The following SYNPR variants were observed in gnomAD, a reference collection of about 807,000 sequenced individuals.
SYNPR encodes synaptoporin.
A neutral mutation model predicts 32.9 loss-of-function variants in SYNPR; 23 were observed. The observed-to-expected ratio is 0.70, with a 90% CI of 0.50 to 0.99. SYNPR has a LOEUF of 0.99. SYNPR is among the 50% of genes least tolerant of loss of function. The pLI, the probability that SYNPR is intolerant of heterozygous loss-of-function variation, is 0.00. For missense variants in SYNPR, 318 were observed against 349.3 expected (o/e 0.91, Z 0.71); for synonymous variants, 146 against 135.9 (o/e 1.07, Z -0.52).
chr3:63,410,791 G>T (rs1318406854), intron 2 of SYNPR, among the ~76,000 whole-genome samples: 1 of 152,102 alleles, frequency 6.6e-6, no homozygotes, highest in Non-Finnish European at 1.5e-5. Flanking sequence ...GCTTACACTG[G>T]TATCTACTTA....
chr3:63,387,386 A>G (rs2088064721), intron 2 of SYNPR, among the ~76,000 whole-genome samples: 1 of 152,214 alleles, frequency 6.6e-6, no homozygotes, highest in African/African-American at 2.4e-5. Context: ...CTTAACCTTT[A>G]GAATTTTCCA....
At chr3:63,218,650 G>A in the SYNPR span, among the ~76,000 whole-genome samples, 2 of 152,140 alleles carry the variant, frequency 1.3e-5, no homozygotes, top group Non-Finnish European at 2.9e-5. Context: ...CTGACTTCGT[G>A]ATCCGTCCCG....
At chr3:63,442,197 AAGAG>A (rs201538931) in intron 2 of SYNPR, among the ~76,000 whole-genome samples, 20 of 137,480 alleles carry the variant, frequency 1.5e-4, no homozygotes, top group Admixed American at 7.1e-4. Flanking sequence ...GCACGCATGA[AAGAG>A]AGAGAGAGAA....
intron 2 of SYNPR, among the ~76,000 whole-genome samples, chr3:63,293,789 G>C (rs1029063766): frequency 3.9e-5 from 6 of 151,974 alleles, no homozygotes; most frequent in Non-Finnish European, 8.8e-5. Context: ...TATACTGTGT[G>C]TGTGTGTGTG....
chr3:63,478,019 G>A (rs1700964883), intron 2 of SYNPR, among the ~76,000 whole-genome samples: 1 of 152,214 alleles, frequency 6.6e-6, no homozygotes, highest in South Asian at 2.1e-4. Context: ...TTACAGCAGT[G>A]AGGACTATGG....
At chr3:63,241,242 C>G (rs1212980966) in intron 1 of SYNPR, among the ~76,000 whole-genome samples, 1 of 152,058 alleles carries the variant, frequency 6.6e-6, no homozygotes, top group African/African-American at 2.4e-5. Flanking sequence ...AATGGACCTC[C>G]GTATTCTCCC....
chr3:63,415,031 G>T (rs1476634726), intron 2 of SYNPR, among the ~76,000 whole-genome samples: 1 of 152,082 alleles, frequency 6.6e-6, no homozygotes, highest in Non-Finnish European at 1.5e-5. Flanking sequence ...TGTTAAATAA[G>T]TTCACTATTA....
At position 63,359,914 on chromosome 3, in the gene SYNPR, A is replaced by G. The variant is rs527317181; in HGVS notation, c.84+81172A>G. On this transcript the variant is annotated intron_variant, in intron 2 of 5. Transcript: ENST00000478300. ...AAGTTATGGGTAGCTTGCAGGTTCAATAAAAATCTAAAGAAATAGACTCAG... is the reference window on the plus strand; with the variant it reads ...AAGTTATGGGTAGCTTGCAGGTTCAGTAAAAATCTAAAGAAATAGACTCAG... Among the ~76,000 whole-genome samples, 25 of 152,344 alleles carry G rather than the reference A, an allele frequency of 1.6e-4. 1 individual carries two copies. Among genetic ancestry groups the G allele is most frequent in the African/African-American group, 5.8e-4 (24 of 41,588 alleles).
intron 2 of SYNPR, among the ~76,000 whole-genome samples, chr3:63,361,796 A>G (rs917079692): frequency 3.3e-5 from 5 of 149,668 alleles, no homozygotes; most frequent in African/African-American, 1.2e-4. Context: ...ACAAATATAT[A>G]TATACATATT....
chr3:63,372,540 T>A (rs1020518271), intron 2 of SYNPR, among the ~76,000 whole-genome samples: 1 of 152,044 alleles, frequency 6.6e-6, no homozygotes, highest in African/African-American at 2.4e-5. Flanking sequence ...CCATCCCCCT[T>A]TCCCCCACAA....
intron 2 of SYNPR, among the ~76,000 whole-genome samples, chr3:63,383,593 C>T (rs1300929134): frequency 1.3e-5 from 2 of 151,898 alleles, no homozygotes; most frequent in African/African-American, 2.4e-5. Context: ...TGCAGTGAGC[C>T]GAGATAGAAC....
intron 2 of SYNPR, among the ~76,000 whole-genome samples, chr3:63,392,503 T>C (rs1247172403): frequency 2.6e-5 from 4 of 152,174 alleles, no homozygotes; most frequent in African/African-American, 9.7e-5. Flanking sequence ...ACCTGGGAAA[T>C]AGAGCTGCAT....
At chr3:63,402,575 T>C (rs1344394041) in intron 2 of SYNPR, among the ~76,000 whole-genome samples, 1 of 152,158 alleles carries the variant, frequency 6.6e-6, no homozygotes, top group Non-Finnish European at 1.5e-5. Context: ...GCCAGCCTAT[T>C]TGTGACAGTG....
upstream of SYNPR, among the ~76,000 whole-genome samples, chr3:63,226,641 G>A (rs942474885): frequency 6.6e-6 from 1 of 152,134 alleles, no homozygotes; most frequent in African/African-American, 2.4e-5. Flanking sequence ...ATATGTGGGA[G>A]ATAAAAAACT....
intron 2 of SYNPR, among the ~76,000 whole-genome samples, chr3:63,297,327 C>T (rs2106937309): frequency 6.6e-6 from 1 of 152,270 alleles, no homozygotes; most frequent in African/African-American, 2.4e-5. Context: ...GTTTTACATG[C>T]ATTCTATGCA....
chr3:63,378,786 A>G (rs558917293), intron 2 of SYNPR, among the ~76,000 whole-genome samples: 18 of 150,566 alleles, frequency 1.2e-4, no homozygotes, highest in African/African-American at 4.4e-4. Flanking sequence ...ACTGTTATTT[A>G]TTTATATTCT....
chr3:63,587,693 T>G (rs1703214267), intron 4 of SYNPR, among the ~76,000 whole-genome samples: 1 of 152,112 alleles, frequency 6.6e-6, no homozygotes, highest in African/African-American at 2.4e-5. Flanking sequence ...GCAATTTATT[T>G]ATTGATTATT....
chr3:63,340,963 G>A (rs913837685), intron 2 of SYNPR, among the ~76,000 whole-genome samples: 4 of 152,226 alleles, frequency 2.6e-5, no homozygotes, highest in East Asian at 3.9e-4. Context: ...GCATGAGGTC[G>A]TGTATGCACA....
rs946749222 is a variant in SYNPR, at chr3:63,509,579, G to A, written c.209+28623G>A. Among the ~76,000 whole-genome samples the A allele has an allele frequency of 3.3e-5, 5 of 151,616 alleles. No individual in the cohort carries two copies. In the South Asian group the frequency reaches 1.0e-3, roughly 32 times the overall value. On this transcript the variant is annotated intron_variant, in intron 3 of 5. Transcript: ENST00000478300. ...GCTAACTAAGGCTATTTTCCTCTGG[G>A]GAGTTAAAAATAGAATACACCTCAG...
Sources: gnomAD v4.1 joint callset for allele counts (sites outside exome capture counted in the v4.1 genomes callset) on GRCh38, gnomAD v4.1.1 for gene constraint, MANE v1.5 for transcripts, NCBI Gene and HGNC (gene_info 2026-07-23, HGNC 2026-07-21) for gene names.